Variants in SWAP70 observed in about 807,000 individuals in gnomAD.
SWAP70 encodes switching B cell complex subunit SWAP70, also known as switch-associated protein 70.
A neutral mutation model predicts 80.2 loss-of-function variants in SWAP70; 34 were observed. That is an observed-to-expected ratio of 0.42 (90% CI 0.32 to 0.56). The LOEUF is 0.56. SWAP70 is among the 20% of genes least tolerant of loss of function. The pLI, the probability that SWAP70 is intolerant of heterozygous loss-of-function variation, is 0.09. For missense variants in SWAP70, 578 were observed against 690.7 expected, an observed-to-expected ratio of 0.84 and a Z score of 1.83; for synonymous variants, 239 against 238.5, an observed-to-expected ratio of 1.00 and a Z score of -0.02.
At chr11:9,664,426 C>G in intron 1 of SWAP70, 148 bp downstream of exon 1, 1 of 847,278 alleles carries the variant, frequency 1.2e-6, no homozygotes, top group Non-Finnish European at 1.8e-6. Flanking sequence ...CGGAGTGGGT[C>G]TGAGACCGGG....
chr11:9,673,228 G>C (rs752317352), intron 1 of SWAP70, among the ~76,000 whole-genome samples: 4 of 152,172 alleles, frequency 2.6e-5, no homozygotes, highest in Non-Finnish European at 4.4e-5. Flanking sequence ...CTTCAAGTTG[G>C]GTTCTCCGTG....
intron 3 of SWAP70, among the ~76,000 whole-genome samples, 170 bp from the exon 4 acceptor site, chr11:9,724,488 A>G (rs571416935): frequency 5.9e-5 from 9 of 152,298 alleles, no homozygotes; most frequent in Admixed American, 2.6e-4. Flanking sequence ...GACCAGTGGC[A>G]TTTTATTTAT....
At chr11:9,697,652 T>G (rs1340678086) in intron 2 of SWAP70, among the ~76,000 whole-genome samples, 1 of 152,230 alleles carries the variant, frequency 6.6e-6, no homozygotes, top group Non-Finnish European at 1.5e-5. Context: ...AAAATTACAA[T>G]GTTCATCTGT....
intron 1 of SWAP70, among the ~76,000 whole-genome samples, chr11:9,690,926 A>T (rs1252343916): frequency 6.6e-6 from 1 of 151,716 alleles, no homozygotes; most frequent in Non-Finnish European, 1.5e-5. Flanking sequence ...AATTTTTGAG[A>T]TGGGACCCCC....
intron 9 of SWAP70, among the ~76,000 whole-genome samples, chr11:9,743,510 C>T (rs1851469956): frequency 6.6e-6 from 1 of 151,176 alleles, no homozygotes; most frequent in African/African-American, 2.5e-5. Context: ...GTTTACAGTC[C>T]CACCAACAGT....
intron 2 of SWAP70, among the ~76,000 whole-genome samples, chr11:9,697,695 A>G (rs1240276081): frequency 2.6e-5 from 4 of 152,210 alleles, no homozygotes; most frequent in Non-Finnish European, 5.9e-5. Flanking sequence ...CTTTTATTCC[A>G]TATCAGCCTC....
At chr11:9,744,311 AT>A (rs1427745457) in intron 9 of SWAP70, among the ~76,000 whole-genome samples, 1 of 152,082 alleles carries the variant, frequency 6.6e-6, no homozygotes, top group Non-Finnish European at 1.5e-5. Context: ...TTAACTTTTA[AT>A]TTTTGTGGGT....
At chr11:9,748,538 CA>C (rs1429311526) in intron 10 of SWAP70, among the ~76,000 whole-genome samples, 1 of 152,192 alleles carries the variant, frequency 6.6e-6, no homozygotes, top group African/African-American at 2.4e-5. Context: ...AGGCCACCGG[CA>C]AAAGCTGCCC....
At chr11:9,710,589 C>T (rs911826102) in intron 2 of SWAP70, among the ~76,000 whole-genome samples, 10 of 151,260 alleles carry the variant, frequency 6.6e-5, no homozygotes, top group Admixed American at 1.3e-4. Context: ...AGAAATGCTT[C>T]GCTGATGTTA....
At chr11:9,747,190 A>G (rs1019701499) in intron 9 of SWAP70, among the ~76,000 whole-genome samples, 9 of 152,246 alleles carry the variant, frequency 5.9e-5, no homozygotes, top group South Asian at 4.1e-4. Flanking sequence ...ATCCATTATA[A>G]CCTGTGCAAC....
At chr11:9,737,788 C>T (rs375208277) in intron 7 of SWAP70, among the ~76,000 whole-genome samples, 22 of 152,266 alleles carry the variant, frequency 1.4e-4, no homozygotes, top group South Asian at 4.1e-4. Context: ...CCCGGCTACT[C>T]GGGAGGCTGA....
At chr11:9,718,144 T>A (rs982974053) in intron 3 of SWAP70, among the ~76,000 whole-genome samples, 1 of 152,250 alleles carries the variant, frequency 6.6e-6, no homozygotes, top group African/African-American at 2.4e-5. Flanking sequence ...ATCAAGTTAA[T>A]CTCATTTGAG....
chr11:9,666,820 G>A (rs1282815639), intron 1 of SWAP70, among the ~76,000 whole-genome samples: 1 of 150,122 alleles, frequency 6.7e-6, no homozygotes, highest in Non-Finnish European at 1.5e-5. Context: ...TGCCTCCCGG[G>A]TTCAAGCGAT....
chr11:9,750,045 A>C lies in SWAP70; in HGVS notation c.*75A>C. ...GAGCTTTACGCTAAAGACAAAAGAA[A>C]CAGCTTTGGGGGCCGGGCGTGGTGG... On this transcript the variant is annotated 3_prime_UTR_variant, in exon 12 of 12. Transcript: ENST00000318950. The C allele has an allele frequency of 8.9e-7, 1 of 1,123,884 alleles. No homozygotes were observed. Among genetic ancestry groups the C allele is most frequent in the Non-Finnish European group, 1.3e-6 (1 of 755,612 alleles). The allele number at this position is 1,123,884 out of a possible 1,614,324, so 69.6% of individuals were successfully genotyped here. A position where few individuals can be genotyped will look rare whatever the true frequency, so the allele number is the denominator to read the frequency against.
chr11:9,745,845 G>C (rs1386202003), intron 9 of SWAP70, among the ~76,000 whole-genome samples: 1 of 152,170 alleles, frequency 6.6e-6, no homozygotes, highest in Non-Finnish European at 1.5e-5. Flanking sequence ...CCTTGTATTA[G>C]CTAAAGCAAT....
rs557731570 is a variant in SWAP70, at chr11:9,751,400, A to C, written c.*1430A>C. The C allele has an allele frequency of 6.6e-6, 1 of 152,382 alleles. No homozygotes were observed. Among genetic ancestry groups the C allele is most frequent in the African/African-American group, 2.4e-5 (1 of 41,598 alleles). 9.4% of individuals were successfully genotyped at this position (152,382 alleles called of 1,614,324 possible). On this transcript the variant is annotated 3_prime_UTR_variant, in exon 12 of 12. Coordinates refer to ENST00000318950, the MANE Select transcript of SWAP70 (RefSeq NM_015055.4). ...CTTTGGATTAAAAAGAACATTTATG[A>C]AATCAAGCCTTCTAACACTAGTTAT...
intron 3 of SWAP70, chr11:9,720,617 G>A: frequency 4.7e-6 from 2 of 428,780 alleles, no homozygotes; most frequent in Non-Finnish European, 6.2e-6. Flanking sequence ...CCTTTGCCTT[G>A]CTACTAAAAC....
At chr11:9,714,970 CTTTTTTTTT>C (rs34803928) in intron 3 of SWAP70, among the ~76,000 whole-genome samples, 2 of 110,028 alleles carry the variant, frequency 1.8e-5, no homozygotes, top group Admixed American at 1.9e-4. Context: ...CCACACCTGC[CTTTTTTTTT>C]TTTTTTTTTT....
intron 6 of SWAP70, among the ~76,000 whole-genome samples, chr11:9,731,636 G>A (rs957856735): frequency 1.3e-5 from 2 of 152,154 alleles, no homozygotes; most frequent in Non-Finnish European, 2.9e-5. Context: ...TTTATGTATT[G>A]CTACTGGGAA....
Sources: allele counts gnomAD v4.1 joint callset (sites outside exome capture counted in the v4.1 genomes callset), GRCh38; gene constraint gnomAD v4.1.1; transcripts MANE v1.5; gene names NCBI Gene and HGNC (gene_info 2026-07-23, HGNC 2026-07-21).